ALG5: variants seen among roughly 807,000 people sequenced by gnomAD.
The protein encoded by ALG5 is ALG5 dolichyl-phosphate beta-glucosyltransferase.
Under a neutral mutation model 51.8 loss-of-function variants are expected in ALG5, and 26 were observed. The observed-to-expected ratio is 0.50, with a 90% CI of 0.37 to 0.70. The LOEUF (loss-of-function observed/expected upper bound fraction) is 0.70. Among genes scored for constraint, ALG5 ranks in the 30% least tolerant of loss-of-function variants. The probability of loss-of-function intolerance (pLI) is 0.00; values close to 1 mark genes in which losing one functional copy is unlikely to be tolerated. For missense variants in ALG5, 311 were observed against 399.3 expected (o/e 0.78, Z 1.88); for synonymous variants, 141 against 136.1 (o/e 1.04, Z -0.25).
At chr13:36,975,889 C>T (rs1297600458) in intron 6 of ALG5, among the ~76,000 whole-genome samples, 1 of 151,522 alleles carries the variant, frequency 6.6e-6, no homozygotes, top group Non-Finnish European at 1.5e-5. Flanking sequence ...GGCATGGTAG[C>T]GTGCCCCTGT....
chr13:36,968,855 C>A (rs1010867527), intron 7 of ALG5, among the ~76,000 whole-genome samples: 1 of 152,164 alleles, frequency 6.6e-6, no homozygotes, highest in Admixed American at 6.6e-5. Flanking sequence ...TTGGAGACAA[C>A]CTTTTGTGAG....
At chr13:36,979,818 G>A (rs1300012765) in intron 6 of ALG5, among the ~76,000 whole-genome samples, 10 of 152,140 alleles carry the variant, frequency 6.6e-5, no homozygotes, top group Admixed American at 6.6e-4. Context: ...GGGCCAAGGA[G>A]GGCTGACTGC....
At position 36,985,557 on chromosome 13, in the gene ALG5, T is replaced by C. The variant is rs552253746; in HGVS notation, c.561+70A>G. The C allele has an allele frequency of 7.1e-5, 88 of 1,245,008 alleles. 1 individual carries two copies. In the South Asian group the frequency reaches 1.1e-3, roughly 16 times the overall value. The allele number at this position is 1,245,008 out of a possible 1,614,324, so 77.1% of individuals were successfully genotyped here. A position where few individuals can be genotyped will look rare whatever the true frequency, so the allele number is the denominator to read the frequency against. ...AGTTTTTAAACTGATAGGTAAACTC[T>C]CCTTTAACTTTACTTTAGCTCTCCT... On this transcript the variant is annotated intron_variant, in intron 6 of 9. Transcript: ENST00000239891.
intron 4 of ALG5, among the ~76,000 whole-genome samples, chr13:36,992,538 A>G (rs1363144966): frequency 6.6e-6 from 1 of 152,232 alleles, no homozygotes; most frequent in African/African-American, 2.4e-5. Flanking sequence ...GAATGGATGC[A>G]CAATGAAGCT....
intron 1 of ALG5, among the ~76,000 whole-genome samples, chr13:36,997,296 A>C (rs924577868): frequency 1.3e-5 from 2 of 151,978 alleles, no homozygotes; most frequent in Non-Finnish European, 2.9e-5. Flanking sequence ...AACATGGCGA[A>C]ACCCCATCTC....
intron 3 of ALG5, among the ~76,000 whole-genome samples, chr13:36,994,487 A>G (rs1295805827): frequency 6.6e-6 from 1 of 152,114 alleles, no homozygotes; most frequent in East Asian, 1.9e-4. Flanking sequence ...AAGAAATACA[A>G]AATAATTTCA....
intron 8 of ALG5, among the ~76,000 whole-genome samples, chr13:36,965,348 A>C (rs2058888250): frequency 8.7e-6 from 1 of 115,266 alleles, no homozygotes; most frequent in African/African-American, 3.3e-5. Flanking sequence ...TCTACTGTCT[A>C]CAATTAAGGT....
chr13:36,953,256 T>C (rs941960938), intron 8 of ALG5, among the ~76,000 whole-genome samples: 7 of 152,226 alleles, frequency 4.6e-5, no homozygotes, highest in Non-Finnish European at 1.0e-4. Flanking sequence ...TGTCCTAATA[T>C]ATACTGTTAA....
At chr13:36,995,178 T>C in intron 2 of ALG5, 143 bp from the exon 3 acceptor site, 1 of 813,224 alleles carries the variant, frequency 1.2e-6, no homozygotes, top group Non-Finnish European at 2.0e-6. Context: ...TCTGAAATCC[T>C]GCCTTCTGTC....
intron 6 of ALG5, among the ~76,000 whole-genome samples, chr13:36,975,000 C>G (rs911219086): frequency 2.6e-5 from 4 of 152,190 alleles, no homozygotes; most frequent in Non-Finnish European, 5.9e-5. Context: ...ATCACAAGAT[C>G]AAGATATCCA....
intron 8 of ALG5, 70 bp downstream of exon 8, chr13:36,965,505 G>A: frequency 1.4e-6 from 2 of 1,424,484 alleles, no homozygotes; most frequent in Non-Finnish European, 1.9e-6. Context: ...AATATACAGG[G>A]CTGTTTCTCA....
At chr13:36,956,078 G>A (rs73539711) in intron 8 of ALG5, among the ~76,000 whole-genome samples, 2,321 of 152,244 alleles carry the variant, frequency 0.015, 51 homozygotes, top group African/African-American at 0.05. Flanking sequence ...CCTATGGATT[G>A]GGAGAAAATA....
At chr13:36,954,902 A>G (rs781733065) in intron 8 of ALG5, among the ~76,000 whole-genome samples, 2 of 152,228 alleles carry the variant, frequency 1.3e-5, no homozygotes, top group Non-Finnish European at 1.5e-5. Context: ...GAATAAACAT[A>G]TAAGAACAAA....
chr13:36,969,436 GA>G (rs1487690420), intron 7 of ALG5, among the ~76,000 whole-genome samples: 72 of 150,076 alleles, frequency 4.8e-4, no homozygotes, highest in African/African-American at 1.3e-3. Flanking sequence ...AAAAAAGAAA[GA>G]AAAAAAGTAC....
At chr13:36,981,968 G>A (rs565167303) in intron 6 of ALG5, among the ~76,000 whole-genome samples, 1 of 152,192 alleles carries the variant, frequency 6.6e-6, no homozygotes, top group Non-Finnish European at 1.5e-5. Context: ...GCAGGCGCCT[G>A]TAGTCCCAGC....
intron 3 of ALG5, among the ~76,000 whole-genome samples, chr13:36,994,007 G>A (rs534276196): frequency 3.3e-5 from 5 of 152,140 alleles, no homozygotes; most frequent in African/African-American, 1.2e-4. Context: ...AAGCTCCTGA[G>A]GTTTGAAGTC....
chr13:36,989,418 G>A, intron 5 of ALG5, 66 bp downstream of exon 5: 1 of 1,223,814 alleles, frequency 8.2e-7, no homozygotes, highest in Non-Finnish European at 1.2e-6. Context: ...AAACATACAA[G>A]TCTGCAAAAG....
At chr13:36,996,372 T>C (rs2059050360) in intron 1 of ALG5, among the ~76,000 whole-genome samples, 2 of 152,226 alleles carry the variant, frequency 1.3e-5, no homozygotes, top group African/African-American at 4.8e-5. Context: ...CAAATTGTCA[T>C]TGTCATCAGC....
chr13:36,992,389 G>A (rs973433442), intron 4 of ALG5, among the ~76,000 whole-genome samples: 9 of 152,198 alleles, frequency 5.9e-5, no homozygotes, highest in African/African-American at 2.2e-4. Context: ...ACTTGAGACT[G>A]CAAAACCAAG....
Sources: gnomAD v4.1 joint callset for allele counts (sites outside exome capture counted in the v4.1 genomes callset) on GRCh38, gnomAD v4.1.1 for gene constraint, MANE v1.5 for transcripts, NCBI Gene and HGNC (gene_info 2026-07-23, HGNC 2026-07-21) for gene names.